FGF14: variants seen among roughly 807,000 people sequenced by gnomAD.
FGF14 encodes the protein fibroblast growth factor 14, also known as fibroblast growth factor homologous factor 4.
Under a neutral mutation model 25.5 loss-of-function variants are expected in FGF14, and 5 were observed. The ratio of observed to expected loss-of-function variants is 0.20; its 90% CI spans 0.10 to 0.41. The LOEUF is 0.41. Ranked by LOEUF, FGF14 falls within the 10% of genes least tolerant of loss-of-function variation. The probability of loss-of-function intolerance (pLI) is 1.00; values close to 1 mark genes in which losing one functional copy is unlikely to be tolerated. For synonymous variants in FGF14, 138 were observed against 118.3 expected (o/e 1.17, Z -1.08); for missense variants, 222 against 320.1 (o/e 0.69, Z 2.34).
intron 1 of FGF14, among the ~76,000 whole-genome samples, chr13:102,087,562 C>G (rs576608121): frequency 6.8e-6 from 1 of 147,674 alleles, no homozygotes; most frequent in Non-Finnish European, 1.5e-5. Context: ...CAGGCACCTG[C>G]CACCATGCCT....
chr13:102,217,897 T>A (rs2050443388), intron 1 of FGF14, among the ~76,000 whole-genome samples: 1 of 152,094 alleles, frequency 6.6e-6, no homozygotes, highest in South Asian at 2.1e-4. Flanking sequence ...GGTGGCTGGG[T>A]TCAGGACCAG....
chr13:102,083,061 A>G (rs557009798), intron 1 of FGF14, among the ~76,000 whole-genome samples: 1 of 152,328 alleles, frequency 6.6e-6, no homozygotes, highest in South Asian at 2.1e-4. Flanking sequence ...AGCTTCCACA[A>G]CCATCCGTCT....
intron 1 of FGF14, among the ~76,000 whole-genome samples, chr13:101,985,818 A>C (rs2038543809): frequency 6.6e-6 from 1 of 152,108 alleles, no homozygotes; most frequent in Non-Finnish European, 1.5e-5. Context: ...TAAATATTTA[A>C]AAGTAGAATA....
intron 1 of FGF14, among the ~76,000 whole-genome samples, chr13:102,311,299 G>A (rs1282557103): frequency 6.6e-6 from 1 of 152,098 alleles, no homozygotes; most frequent in Non-Finnish European, 1.5e-5. Context: ...TGGGCCCTGG[G>A]GAGTTGAGCT....
chr13:101,936,888 G>A (rs1184940472), intron 1 of FGF14, among the ~76,000 whole-genome samples: 1 of 152,168 alleles, frequency 6.6e-6, no homozygotes, highest in African/African-American at 2.4e-5. Flanking sequence ...GCAAATGAAT[G>A]TTCTCTTCCT....
intron 1 of FGF14, among the ~76,000 whole-genome samples, chr13:102,232,290 G>A (rs1222678765): frequency 1.2e-5 from 1 of 82,408 alleles, no homozygotes; most frequent in Non-Finnish European, 2.1e-5. Context: ...CTGAAGAAAA[G>A]AATAAAACTA....
chr13:102,247,565 C>T (rs1239110441), intron 1 of FGF14, among the ~76,000 whole-genome samples: 1 of 152,012 alleles, frequency 6.6e-6, no homozygotes, highest in East Asian at 1.9e-4. Context: ...ATCAAAATGA[C>T]TATTATTAAA....
At chr13:102,056,074 T>C (rs890211069) in intron 1 of FGF14, among the ~76,000 whole-genome samples, 1 of 152,212 alleles carries the variant, frequency 6.6e-6, no homozygotes, top group East Asian at 1.9e-4. Flanking sequence ...GGAGCTACAA[T>C]TCAGGATGAG....
chr13:102,370,779 T>G (rs1484176524), intron 1 of FGF14, among the ~76,000 whole-genome samples: 1 of 152,210 alleles, frequency 6.6e-6, no homozygotes, highest in African/African-American at 2.4e-5. Flanking sequence ...CTTAAACATT[T>G]TGTGTTTCTT....
intron 1 of FGF14, among the ~76,000 whole-genome samples, chr13:101,950,235 A>G (rs1375927622): frequency 6.6e-6 from 1 of 152,202 alleles, no homozygotes; most frequent in African/African-American, 2.4e-5. Flanking sequence ...CAAAGAATGA[A>G]AAACCCAACA....
chr13:102,145,953 T>C (rs1195771372), intron 1 of FGF14, among the ~76,000 whole-genome samples: 1 of 152,128 alleles, frequency 6.6e-6, no homozygotes, highest in Non-Finnish European at 1.5e-5. Flanking sequence ...CTACTTAAGC[T>C]CCAAAGATTG....
intron 1 of FGF14, among the ~76,000 whole-genome samples, chr13:102,290,577 C>T (rs1306834021): frequency 6.6e-6 from 1 of 152,086 alleles, no homozygotes; most frequent in Non-Finnish European, 1.5e-5. Flanking sequence ...CTCTCTGGAC[C>T]CGATCTACTT....
rs373799451 is a variant in FGF14, at chr13:101,970,843, G to T, written c.209-95547C>A. Among the ~76,000 whole-genome samples the T allele has an allele frequency of 4.6e-5, 7 of 152,204 alleles. No individual in the cohort carries two copies. In the South Asian group the frequency reaches 6.2e-4, roughly 14 times the overall value. ...CATAATAAGACCACTTTTGTTCATA[G>T]TGCATTCACTCTACCAACCCTCCCA... On this transcript the variant is annotated intron_variant, in intron 1 of 4. Transcript: ENST00000376131.
At chr13:101,754,513 G>A (rs1477982158) in intron 3 of FGF14, among the ~76,000 whole-genome samples, 1 of 152,100 alleles carries the variant, frequency 6.6e-6, no homozygotes, top group Non-Finnish European at 1.5e-5. Context: ...TGGATCGCCT[G>A]AGGTCAGGAG....
At chr13:101,735,325 T>G (rs138557878) in intron 3 of FGF14, among the ~76,000 whole-genome samples, 112 of 152,264 alleles carry the variant, frequency 7.4e-4, no homozygotes, top group African/African-American at 2.6e-3. Flanking sequence ...CAACTAGACA[T>G]AGAAAATATG....
intron 3 of FGF14, among the ~76,000 whole-genome samples, chr13:101,821,898 A>G (rs2042173882): frequency 6.6e-6 from 1 of 152,190 alleles, no homozygotes; most frequent in African/African-American, 2.4e-5. Context: ...TTGTTTCATA[A>G]GAATACTTTA....
chr13:101,945,870 G>T (rs2139352428), intron 1 of FGF14, among the ~76,000 whole-genome samples: 1 of 152,254 alleles, frequency 6.6e-6, no homozygotes, highest in African/African-American at 2.4e-5. Context: ...GGTGGCATGG[G>T]CAAGATGACC....
intron 1 of FGF14, among the ~76,000 whole-genome samples, chr13:102,201,546 C>T (rs140485015): frequency 6.6e-6 from 1 of 152,204 alleles, no homozygotes; most frequent in Non-Finnish European, 1.5e-5. Flanking sequence ...AAATCGTCTC[C>T]AGGGCAGATA....
At chr13:102,374,648 A>T (rs1270284227) in intron 1 of FGF14, among the ~76,000 whole-genome samples, 3 of 2,562 alleles carry the variant, frequency 1.2e-3, no homozygotes, top group Admixed American at 2.9e-3. Flanking sequence ...CATATTTTAT[A>T]TATATATATA....
Sources: allele counts gnomAD v4.1 joint callset (sites outside exome capture counted in the v4.1 genomes callset), GRCh38; gene constraint gnomAD v4.1.1; transcripts MANE v1.5; gene names NCBI Gene and HGNC (gene_info 2026-07-23, HGNC 2026-07-21).